Variants in TENT4B observed in about 807,000 individuals in gnomAD.
TENT4B encodes PAP associated domain containing 5.
A neutral mutation model predicts 75.0 loss-of-function variants in TENT4B; 10 were observed. That is an observed-to-expected ratio of 0.13 (90% CI 0.08 to 0.23). The LOEUF (loss-of-function observed/expected upper bound fraction) is 0.23, where lower values mean the gene tolerates loss of function less well. Among genes scored for constraint, TENT4B ranks in the 10% least tolerant of loss-of-function variants. The probability of loss-of-function intolerance (pLI) is 1.00; values close to 1 mark genes in which losing one functional copy is unlikely to be tolerated. For missense variants in TENT4B, 579 were observed against 893.8 expected (o/e 0.65, Z 4.49); for synonymous variants, 350 against 357.7 (o/e 0.98, Z 0.24).
At chr16:50,211,521 C>T in intron 2 of TENT4B, 75 bp downstream of exon 2, 1 of 1,423,074 alleles carries the variant, frequency 7.0e-7, no homozygotes, top group South Asian at 1.7e-5. Flanking sequence ...GCTGGTATCT[C>T]ATGCTAGTCC....
In TENT4B at chr16:50,225,275, C is replaced by G; in HGVS notation, c.1790C>G (p.Ser597Cys). The G allele has an allele frequency of 1.2e-6, 2 of 1,610,426 alleles. No individual in the cohort carries two copies. The highest frequency in any genetic ancestry group is 1.7e-6 in the Non-Finnish European group (2 of 1,178,056). The change falls in exon 10 of 12, where the codon TCT becomes TGT. Residue 597 changes from serine (S) to cysteine (C), a missense_variant. Ser to Cys is a moderately radical substitution (Grantham distance 112, BLOSUM62 -1). This residue lies in a region of TENT4B where 164 missense variants were observed against 226.5 expected (regional missense o/e 0.72). Coordinates refer to ENST00000561678, the MANE Select transcript of TENT4B (RefSeq NM_001365324.3). ...VSSSSATQSS[S>C]SDVDSDATPC... ...TCCTCTTCTGCCACACAGTCCAGCT[C>G]TAGTGATGTAGTAAGTATGAAAGCC...
chr16:50,184,390 C>T (rs770048976), intron 1 of TENT4B, among the ~76,000 whole-genome samples: 3 of 152,118 alleles, frequency 2.0e-5, no homozygotes, highest in Non-Finnish European at 2.9e-5. Flanking sequence ...TGCTGCCGGC[C>T]GGGCGCGGTG....
In TENT4B at chr16:50,211,387, C is replaced by A. The variant is rs1369581331; in HGVS notation, c.703C>A (p.Arg235=). Residue 235 remains arginine (R), a synonymous_variant, in exon 2 of 12, where the codon CGG becomes AGG. Coordinates refer to ENST00000561678, the MANE Select transcript of TENT4B (RefSeq NM_001365324.3). ...TCCAAGACCTGAGGAGGAGAAGATG[C>A]GGATGGAGGTGGTGAACAGGATCGA... ...MSPRPEEEKM[R]MEVVNRIESV... is the part of the protein sequence containing the mutation. 2.5e-6 allele frequency: 4 copies of A among 1,607,380 alleles called. No homozygotes were observed. Among genetic ancestry groups the A allele is most frequent in the South Asian group, 1.1e-5 (1 of 89,784 alleles).
intron 1 of TENT4B, among the ~76,000 whole-genome samples, chr16:50,172,463 C>T (rs1185991389): frequency 6.6e-6 from 1 of 151,488 alleles, no homozygotes; most frequent in Non-Finnish European, 1.5e-5. Context: ...AACCAATCCC[C>T]TGAGTATATG....
Position 50,153,762 on chromosome 16 carries a change from C to T in TENT4B, c.141C>T (p.Gly47=), listed in dbSNP as rs1466146963. The T allele has an allele frequency of 6.4e-6, 7 of 1,089,386 alleles. No homozygotes were observed. Among genetic ancestry groups the T allele is most frequent in the Admixed American group, 5.0e-5 (1 of 20,192 alleles). 67.5% of individuals were successfully genotyped at this position (1,089,386 alleles called of 1,614,324 possible). A position where few individuals can be genotyped will look rare whatever the true frequency, so the allele number is the denominator to read the frequency against. Residue 47 remains glycine, a synonymous_variant, in exon 1 of 12, where the codon GGC becomes GGT. Transcript: ENST00000561678. ...HHCHSSGGAS[G]GGGSSSSSST... ...GTCACAGCAGCGGCGGCGCGAGCGG[C>T]GGCGGCGGCAGCAGCAGCAGCAGCA...
chr16:50,173,546 C>T (rs1055605725), intron 1 of TENT4B, among the ~76,000 whole-genome samples: 8 of 152,148 alleles, frequency 5.3e-5, no homozygotes, highest in African/African-American at 1.2e-4. Flanking sequence ...AAGTTCCTGT[C>T]GCTCCACATC....
intron 1 of TENT4B, among the ~76,000 whole-genome samples, chr16:50,182,590 A>G (rs994633123): frequency 1.4e-4 from 21 of 152,308 alleles, no homozygotes; most frequent in African/African-American, 4.8e-4. Flanking sequence ...ATGTATTTAT[A>G]TAGTTGACAT....
intron 5 of TENT4B, among the ~76,000 whole-genome samples, chr16:50,221,245 G>A (rs2031813881): frequency 6.6e-6 from 1 of 152,054 alleles, no homozygotes; most frequent in Admixed American, 6.6e-5. Context: ...GACAGAATGA[G>A]GGGGAAAAAA....
At chr16:50,199,646 C>G (rs1287904321) in intron 1 of TENT4B, among the ~76,000 whole-genome samples, 1 of 152,182 alleles carries the variant, frequency 6.6e-6, no homozygotes, top group Admixed American at 6.5e-5. Flanking sequence ...AGATTGGCTT[C>G]TTTTACGTAG....
intron 1 of TENT4B, among the ~76,000 whole-genome samples, chr16:50,198,119 T>TA (rs10682302): frequency 0.72 from 96,536 of 134,068 alleles, 35,204 homozygotes; most frequent in Non-Finnish European, 0.8. Flanking sequence ...AAAATATAAT[T>TA]AAAAAAAAAA....
chr16:50,217,518 G>T, intron 4 of TENT4B, 38 bp from the exon 5 acceptor site: 1 of 1,147,344 alleles, frequency 8.7e-7, no homozygotes, highest in African/African-American at 1.6e-5. Flanking sequence ...ATTTAATCTG[G>T]TTAAAGCATT....
At chr16:50,177,815 A>G (rs1306914277) in intron 1 of TENT4B, among the ~76,000 whole-genome samples, 3 of 152,052 alleles carry the variant, frequency 2.0e-5, no homozygotes, top group Admixed American at 6.5e-5. Context: ...TTAAGTGAAA[A>G]CTGAGATTAT....
intron 1 of TENT4B, among the ~76,000 whole-genome samples, chr16:50,174,907 T>G (rs1404150227): frequency 6.6e-6 from 1 of 152,034 alleles, no homozygotes; most frequent in Non-Finnish European, 1.5e-5. Flanking sequence ...CACACCCGAC[T>G]AATTTTTATA....
At chr16:50,184,787 T>C (rs1596685134) in intron 1 of TENT4B, among the ~76,000 whole-genome samples, 1 of 152,042 alleles carries the variant, frequency 6.6e-6, no homozygotes, top group Admixed American at 6.6e-5. Context: ...CAGGCTGGAG[T>C]GTAGTAGGCT....
chr16:50,179,937 G>A (rs138293659), intron 1 of TENT4B, among the ~76,000 whole-genome samples: 1 of 152,144 alleles, frequency 6.6e-6, no homozygotes, highest in East Asian at 1.9e-4. Context: ...TGCAGATAAT[G>A]ATGATGGGCT....
Position 50,229,009 on chromosome 16 carries a change from C to T in TENT4B, c.1966-143C>T, listed in dbSNP as rs2032178650. ...GAACCCCTGTAACAGCTTTTTCTGC[C>T]CACTAGATAAGTCAGTGATCAGTAA... On this transcript the variant is annotated intron_variant, in intron 11 of 11. Transcript: ENST00000561678. 2.8e-6 allele frequency: 4 copies of T among 1,449,252 alleles called. No individual in the cohort carries two copies. In the East Asian group the frequency reaches 1.0e-4, roughly 37 times the overall value. 89.8% of individuals were successfully genotyped at this position (1,449,252 alleles called of 1,614,324 possible).
At position 50,154,038 on chromosome 16, in the gene TENT4B, G is replaced by T. The variant is rs1414210284; in HGVS notation, c.417G>T (p.Pro139=). The T allele has an allele frequency of 9.8e-6, 15 of 1,531,466 alleles. No homozygotes were observed. Among genetic ancestry groups the T allele is most frequent in the African/African-American group, 4.1e-5 (3 of 72,710 alleles). 94.9% of individuals were successfully genotyped at this position (1,531,466 alleles called of 1,614,324 possible). Reference sequence around the variant, plus strand: ...CGCCTCCCTCGGCGTCCTCGTCCCCGCACCCTTCGGCCGCCGTCCCCGCCG... The same window carrying T: ...CGCCTCCCTCGGCGTCCTCGTCCCCTCACCCTTCGGCCGCCGTCCCCGCCG... ...ASSPPSASSS[P]HPSAAVPAAD... Residue 139 remains proline, a synonymous_variant, in exon 1 of 12, where the codon CCG becomes CCT. Transcript: ENST00000561678.
chr16:50,199,653 G>A lies in TENT4B; in HGVS notation c.639-11670G>A, dbSNP rs553289400. 5.9e-5 allele frequency among the ~76,000 whole-genome samples: 9 copies of A among 152,260 alleles called. No homozygotes were observed. The East Asian group carries it at 7.7e-4, about 13-fold the overall frequency. On this transcript the variant is annotated intron_variant, in intron 1 of 11. Coordinates refer to ENST00000561678, the MANE Select transcript of TENT4B (RefSeq NM_001365324.3). The stretch of plus-strand genomic sequence containing the variant: ...ACCTTTTCAGATTGGCTTCTTTTAC[G>A]TAGTAATATGCATTTAGGATTCCTT...
Position 50,216,171 on chromosome 16 carries a change from G to C in TENT4B, c.906G>C (p.Ser302=). The change falls in exon 4 of 12, where the codon TCG becomes TCC. Residue 302 remains serine, a synonymous_variant. Transcript: ENST00000561678. ...LRKHKVADED[S]VKVLDKATVP... Reference sequence around the variant, plus strand: ...AACACAAAGTCGCAGATGAGGATTCGGTGAAAGTTTTAGACAAAGCAACTG... The same window carrying C: ...AACACAAAGTCGCAGATGAGGATTCCGTGAAAGTTTTAGACAAAGCAACTG... The C allele has an allele frequency of 1.9e-6, 3 of 1,613,922 alleles. No individual in the cohort carries two copies. Among genetic ancestry groups the C allele is most frequent in the East Asian group, 4.5e-5 (2 of 44,876 alleles).
Sources: gnomAD v4.1 joint callset for allele counts (sites outside exome capture counted in the v4.1 genomes callset) on GRCh38, gnomAD v4.1.1 for gene constraint, gnomAD v4.1.1 regional missense constraint, MANE v1.5 for transcripts, NCBI Gene and HGNC (gene_info 2026-07-23, HGNC 2026-07-21) for gene names.